The following ETV1 variants were observed in gnomAD, a reference collection of about 807,000 sequenced individuals.
The protein encoded by ETV1 is ETS translocation variant 1.
Under a neutral mutation model 62.3 loss-of-function variants are expected in ETV1, and 27 were observed. The observed-to-expected ratio is 0.43, with a 90% CI of 0.32 to 0.60. The LOEUF (loss-of-function observed/expected upper bound fraction) is 0.60. Among genes scored for constraint, ETV1 ranks in the 20% least tolerant of loss-of-function variants. The pLI, the probability that ETV1 is intolerant of heterozygous loss-of-function variation, is 0.06. For missense variants in ETV1, 605 were observed against 605.8 expected (o/e 1.00, Z 0.01); for synonymous variants, 222 against 199.6 (o/e 1.11, Z -0.94).
At chr7:13,987,986 G>A (rs1256659141) in intron 4 of ETV1, 100 bp downstream of exon 4, 1 of 698,708 alleles carries the variant, frequency 1.4e-6, no homozygotes, top group Non-Finnish European at 2.5e-6. Flanking sequence ...TAATTTCAAA[G>A]TTTATTATTT....
Position 13,896,077 on chromosome 7 carries a change from T to G in ETV1, c.1223A>C (p.Glu408Ala). ...EKGIMQKVAG[E>A]RYVYKFVCDP... The stretch of plus-strand genomic sequence containing the variant: ...ACACACAAACTTGTAGACATATCTC[T>G]CTCCAGCCACCTGATGATAACATGG... Residue 408 changes from glutamate to alanine, a missense_variant, in exon 14 of 14, where the codon GAG becomes GCG. By Grantham distance (107) the Glu-to-Ala change is moderately radical (BLOSUM62 -1). Coordinates refer to ENST00000430479, the MANE Select transcript of ETV1 (RefSeq NM_004956.5). The G allele has an allele frequency of 6.2e-7, 1 of 1,612,306 alleles. No individual in the cohort carries two copies. The highest frequency in any genetic ancestry group is 8.5e-7 in the Non-Finnish European group (1 of 1,179,080).
intron 13 of ETV1, among the ~76,000 whole-genome samples, chr7:13,897,015 C>T (rs55905907): frequency 0.42 from 64,330 of 151,838 alleles, 13,776 homozygotes; most frequent in African/African-American, 0.46. Context: ...AAAGAAGTAG[C>T]ATAATTTATA....
rs562722674 is a variant in ETV1 at position 13,892,265 on chromosome 7, C to T, written c.*3601G>A. The T allele has an allele frequency of 1.3e-5, 3 of 227,086 alleles. No homozygotes were observed. In the South Asian group the frequency reaches 5.5e-4, roughly 42 times the overall value. 14.1% of individuals were successfully genotyped at this position (227,086 alleles called of 1,614,324 possible). ...TATTATTATCATACCTTCTGTTTTT[C>T]TGTTTCATGACTTAGTGTTTTCCTG... On this transcript the variant is annotated 3_prime_UTR_variant, in exon 14 of 14. Coordinates refer to ENST00000430479, the MANE Select transcript of ETV1 (RefSeq NM_004956.5).
At chr7:13,923,066 C>T (rs550033437) in intron 9 of ETV1, among the ~76,000 whole-genome samples, 2 of 151,992 alleles carry the variant, frequency 1.3e-5, no homozygotes, top group East Asian at 3.9e-4. Context: ...ATATTTTAGC[C>T]CTCTGAATGT....
rs376563871 is a variant in ETV1 at position 13,955,077 on chromosome 7, C to T, written c.236-15831G>A. ...GTCTCAATTGTTACAGCTGTTAATA[C>T]TGGCTGGGGTAAATCTTGCAAAAAC... is the stretch of plus-strand genomic sequence containing the variant. On this transcript the variant is annotated intron_variant, in intron 6 of 13. Transcript: ENST00000430479. 2.6e-5 allele frequency among the ~76,000 whole-genome samples: 4 copies of T among 152,306 alleles called. No homozygotes were observed. The East Asian group carries it at 7.7e-4, about 29-fold the overall frequency.
intron 5 of ETV1, among the ~76,000 whole-genome samples, chr7:13,979,175 T>A (rs1781738891): frequency 6.6e-6 from 1 of 152,144 alleles, no homozygotes; most frequent in South Asian, 2.1e-4. Flanking sequence ...AACTGAATTT[T>A]ACTTATCAGT....
rs1394123511 is a variant in ETV1, at chr7:13,892,935, G to C, written c.*2931C>G. The C allele has an allele frequency of 4.3e-6, 1 of 232,094 alleles. No individual in the cohort carries two copies. Among genetic ancestry groups the C allele is most frequent in the East Asian group, 6.1e-5 (1 of 16,398 alleles). The allele number at this position is 232,094 out of a possible 1,614,324, so 14.4% of individuals were successfully genotyped here. A position where few individuals can be genotyped will look rare whatever the true frequency, so the allele number is the denominator to read the frequency against. On this transcript the variant is annotated 3_prime_UTR_variant, in exon 14 of 14. Transcript: ENST00000430479. Reference sequence around the variant, plus strand: ...GCCTCCAGAACTATAAGATAAATTTGTGTAAATTACTGAAGTTGTGGTAAT... The same window carrying C: ...GCCTCCAGAACTATAAGATAAATTTCTGTAAATTACTGAAGTTGTGGTAAT...
chr7:13,974,709 A>T (rs927574277), intron 6 of ETV1, among the ~76,000 whole-genome samples: 1 of 152,234 alleles, frequency 6.6e-6, no homozygotes, highest in Non-Finnish European at 1.5e-5. Flanking sequence ...TCTAAGGATA[A>T]ATATCAGGAT....
intron 6 of ETV1, among the ~76,000 whole-genome samples, chr7:13,964,344 C>T (rs755931639): frequency 6.6e-6 from 1 of 152,108 alleles, no homozygotes; most frequent in Admixed American, 6.6e-5. Context: ...TTGACAACAA[C>T]TTTTGCTGGT....
chr7:13,951,582 T>C (rs1168846778), intron 6 of ETV1, among the ~76,000 whole-genome samples: 1 of 152,086 alleles, frequency 6.6e-6, no homozygotes, highest in East Asian at 1.9e-4. Flanking sequence ...AAAGAGAACA[T>C]ATAGATGACC....
chr7:13,898,788 C>T (rs1375756408), intron 13 of ETV1, among the ~76,000 whole-genome samples: 1 of 152,070 alleles, frequency 6.6e-6, no homozygotes, highest in Non-Finnish European at 1.5e-5. Flanking sequence ...GCATAGTTTT[C>T]CTCTGAATGA....
chr7:13,901,259 C>A (rs1583561137), intron 12 of ETV1, among the ~76,000 whole-genome samples: 1 of 152,286 alleles, frequency 6.6e-6, no homozygotes, highest in South Asian at 2.1e-4. Flanking sequence ...CCCACCTTGG[C>A]CTCCAAAAGT....
chr7:13,939,562 T>C (rs1244417165), intron 6 of ETV1, among the ~76,000 whole-genome samples: 3 of 152,192 alleles, frequency 2.0e-5, no homozygotes, highest in African/African-American at 7.2e-5. Flanking sequence ...TGAAAACATA[T>C]CAGAAAGGTT....
At chr7:13,924,238 G>C (rs998260924) in intron 9 of ETV1, among the ~76,000 whole-genome samples, 2 of 152,066 alleles carry the variant, frequency 1.3e-5, no homozygotes, top group South Asian at 4.1e-4. Context: ...AGGGCATTAA[G>C]AAAGAAAGAG....
intron 9 of ETV1, among the ~76,000 whole-genome samples, chr7:13,915,098 G>A (rs935587253): frequency 6.6e-6 from 1 of 152,186 alleles, no homozygotes; most frequent in African/African-American, 2.4e-5. Flanking sequence ...AGAAATCTCA[G>A]TAAAATATAA....
chr7:13,900,953 T>C (rs1403273716), intron 12 of ETV1, 114 bp from the exon 13 acceptor site: 1 of 631,394 alleles, frequency 1.6e-6, no homozygotes, highest in African/African-American at 1.9e-5. Context: ...CTCAAGGATA[T>C]AAGTAAAGTA....
Position 13,970,122 on chromosome 7 carries a change from G to A in ETV1, c.235+7305C>T, listed in dbSNP as rs375494907. Among the ~76,000 whole-genome samples the A allele has an allele frequency of 4.1e-4, 62 of 151,934 alleles. No homozygotes were observed. In the South Asian group the frequency reaches 0.013, roughly 31 times the overall value. ...ATACAAAAAAAAAAATTAGCCTGGC[G>A]TGGTGGCGGGCGCCTGTGGTCCCAG... On this transcript the variant is annotated intron_variant, in intron 6 of 13. Coordinates refer to ENST00000430479, the MANE Select transcript of ETV1 (RefSeq NM_004956.5).
intron 9 of ETV1, among the ~76,000 whole-genome samples, chr7:13,919,108 C>T (rs1231095136): frequency 1.3e-5 from 2 of 152,074 alleles, no homozygotes; most frequent in Non-Finnish European, 2.9e-5. Flanking sequence ...GCCTGCACCC[C>T]TATTATGTGC....
chr7:13,926,008 C>G (rs1187563546), intron 9 of ETV1, among the ~76,000 whole-genome samples: 2 of 152,104 alleles, frequency 1.3e-5, no homozygotes, highest in African/African-American at 4.8e-5. Flanking sequence ...TGTACTGGCT[C>G]TTAATTTGCA....
Sources: allele counts gnomAD v4.1 joint callset (sites outside exome capture counted in the v4.1 genomes callset), GRCh38; gene constraint gnomAD v4.1.1; transcripts MANE v1.5; gene names NCBI Gene and HGNC (gene_info 2026-07-23, HGNC 2026-07-21).